The following BMPR1B variants were observed in gnomAD, a reference collection of about 807,000 sequenced individuals.
BMPR1B encodes bone morphogenetic protein receptor type 1B.
In BMPR1B, 12 loss-of-function variants were observed where a neutral mutation model predicts 59.1. That is an observed-to-expected ratio of 0.20 (90% CI 0.13 to 0.33). The LOEUF is 0.33. Ranked by LOEUF, BMPR1B falls within the 10% of genes least tolerant of loss-of-function variation. BMPR1B has a pLI of 1.00. For synonymous variants in BMPR1B, 237 were observed against 207.3 expected (o/e 1.14, Z -1.23); for missense variants, 550 against 610.9 (o/e 0.90, Z 1.05).
intron 6 of BMPR1B, among the ~76,000 whole-genome samples, chr4:95,120,408 C>G (rs1437642366): frequency 6.6e-6 from 1 of 152,044 alleles, no homozygotes. Context: ...CACTGGAAGT[C>G]CTAGTCAGAG....
chr4:95,020,123 T>A (rs1723865590), intron 3 of BMPR1B, among the ~76,000 whole-genome samples: 1 of 152,188 alleles, frequency 6.6e-6, no homozygotes, highest in Non-Finnish European at 1.5e-5. Flanking sequence ...GCCTTAAATC[T>A]GCAGTTCTCA....
rs560074884 is a variant in BMPR1B at position 95,081,068 on chromosome 4, G to A, written c.-17-23340G>A. 2.5e-3 allele frequency among the ~76,000 whole-genome samples: 380 copies of A among 152,224 alleles called. 3 individuals are homozygous for A. Among genetic ancestry groups the A allele is most frequent in the African/African-American group, 8.9e-3 (371 of 41,544 alleles). ...GTGGTGATGTTCATGCTGTTCTTGT[G>A]ATAGTGAGTTCTCATGAGATCTGAT... On this transcript the variant is annotated intron_variant, in intron 3 of 12. Transcript: ENST00000515059.
chr4:94,932,212 T>TA (rs1365038717), intron 2 of BMPR1B, among the ~76,000 whole-genome samples: 1 of 152,126 alleles, frequency 6.6e-6, no homozygotes, highest in East Asian at 1.9e-4. Flanking sequence ...GTGACTGCCA[T>TA]AGTAACCACA....
chr4:94,795,545 AC>A (rs1323119899), intron 1 of BMPR1B, among the ~76,000 whole-genome samples: 4 of 151,928 alleles, frequency 2.6e-5, no homozygotes, highest in Admixed American at 6.6e-5. Context: ...GCTCACTGCA[AC>A]CTCTGCCTTC....
intron 1 of BMPR1B, among the ~76,000 whole-genome samples, chr4:94,827,536 A>C: frequency 6.6e-6 from 1 of 152,212 alleles, no homozygotes; most frequent in South Asian, 2.1e-4. Context: ...TGAGTTAGGC[A>C]TGTGAGCAGA....
chr4:94,849,415 C>G (rs1020708803), intron 1 of BMPR1B, among the ~76,000 whole-genome samples: 1 of 151,968 alleles, frequency 6.6e-6, no homozygotes, highest in Non-Finnish European at 1.5e-5. Context: ...GGCGGGGAAA[C>G]GAAGTATAGG....
chr4:95,019,716 T>C (rs528026557), intron 3 of BMPR1B, among the ~76,000 whole-genome samples: 1 of 152,266 alleles, frequency 6.6e-6, no homozygotes, highest in African/African-American at 2.4e-5. Context: ...ACTCAATTTA[T>C]AAGGACTCCA....
rs376599699 is a variant in BMPR1B at position 95,024,556 on chromosome 4, C to T, written c.-18+28422C>T. Reference sequence around the variant, plus strand: ...TGTCACATCATAAATACAACATGAACGTGGATAACTGGGTTTACTTCACCA... The same window carrying T: ...TGTCACATCATAAATACAACATGAATGTGGATAACTGGGTTTACTTCACCA... On this transcript the variant is annotated intron_variant, in intron 3 of 12. Coordinates refer to ENST00000515059, the MANE Select transcript of BMPR1B (RefSeq NM_001203.3). Among the ~76,000 whole-genome samples, 24 of 152,198 alleles carry T rather than the reference C, an allele frequency of 1.6e-4. No homozygotes were observed. In the East Asian group the frequency reaches 3.3e-3, roughly 21 times the overall value.
chr4:95,053,829 G>A (rs1180917028), intron 3 of BMPR1B, among the ~76,000 whole-genome samples: 1 of 151,976 alleles, frequency 6.6e-6, no homozygotes, highest in Non-Finnish European at 1.5e-5. Flanking sequence ...TTTTTGCCCT[G>A]ATAAATACAG....
intron 1 of BMPR1B, among the ~76,000 whole-genome samples, chr4:94,817,052 A>G (rs997141147): frequency 1.3e-5 from 2 of 152,120 alleles, no homozygotes; most frequent in South Asian, 2.1e-4. Context: ...TTGTTCTGAT[A>G]TTCTGCCACG....
chr4:95,015,802 C>T (rs1366620266), intron 3 of BMPR1B, among the ~76,000 whole-genome samples: 3 of 152,088 alleles, frequency 2.0e-5, no homozygotes, highest in African/African-American at 7.2e-5. Flanking sequence ...AAGTGATTCT[C>T]CTGCCTCAGC....
In BMPR1B at chr4:95,156,872, GC is replaced by G. The variant is rs1735465233; in HGVS notation, c.*2201del. ...CTGAGCCTTGAAGAGAAACTTCAGT[GC>G]CTCTAAACAGATCATCTACAAAACA... On this transcript the variant is annotated 3_prime_UTR_variant, in exon 13 of 13. Transcript: ENST00000515059. 6.6e-6 allele frequency: 1 copy of G among 152,146 alleles called. No homozygotes were observed. Among genetic ancestry groups the G allele is most frequent in the African/African-American group, 2.4e-5 (1 of 41,442 alleles). The allele number at this position is 152,146 out of a possible 1,614,324, so 9.4% of individuals were successfully genotyped here.
chr4:95,066,904 A>G (rs1313423935), intron 3 of BMPR1B, among the ~76,000 whole-genome samples: 1 of 152,184 alleles, frequency 6.6e-6, no homozygotes, highest in Non-Finnish European at 1.5e-5. Flanking sequence ...AAATGCATGG[A>G]AATGCATTTG....
intron 1 of BMPR1B, among the ~76,000 whole-genome samples, chr4:94,857,864 G>A (rs1386434313): frequency 6.6e-6 from 1 of 152,194 alleles, no homozygotes; most frequent in East Asian, 1.9e-4. Context: ...AAAACAATGT[G>A]TTAATGACAA....
At chr4:94,797,065 G>C (rs1403304941) in intron 1 of BMPR1B, among the ~76,000 whole-genome samples, 9 of 152,180 alleles carry the variant, frequency 5.9e-5, no homozygotes, top group Non-Finnish European at 8.8e-5. Context: ...GTTCCACATG[G>C]CTGGGGAGGC....
chr4:95,053,979 C>T (rs990383327), intron 3 of BMPR1B, among the ~76,000 whole-genome samples: 1 of 152,022 alleles, frequency 6.6e-6, no homozygotes, highest in South Asian at 2.1e-4. Context: ...ATAATGATCA[C>T]AGAAAAGGAA....
intron 1 of BMPR1B, among the ~76,000 whole-genome samples, chr4:94,851,652 C>A (rs543947780): frequency 3.4e-5 from 5 of 147,212 alleles, no homozygotes; most frequent in Non-Finnish European, 6.0e-5. Context: ...AGCTATTAAT[C>A]ATATTTTATC....
intron 2 of BMPR1B, among the ~76,000 whole-genome samples, chr4:94,921,157 G>A (rs769318484): frequency 1.3e-5 from 2 of 151,990 alleles, no homozygotes; most frequent in African/African-American, 2.4e-5. Flanking sequence ...TCTGCTTGGC[G>A]TTTTGAACCT....
intron 3 of BMPR1B, among the ~76,000 whole-genome samples, chr4:95,015,663 C>T (rs1723533008): frequency 6.6e-6 from 1 of 151,910 alleles, no homozygotes; most frequent in Non-Finnish European, 1.5e-5. Context: ...GCTGGAATTA[C>T]AGGCGTGAAT....
Sources: gnomAD v4.1 joint callset for allele counts (sites outside exome capture counted in the v4.1 genomes callset) on GRCh38, gnomAD v4.1.1 for gene constraint, MANE v1.5 for transcripts, NCBI Gene and HGNC (gene_info 2026-07-23, HGNC 2026-07-21) for gene names.